EYS: variants seen among roughly 807,000 people sequenced by gnomAD.
EYS encodes the protein EGF-like photoreceptor maintenance factor, also known as protein eyes shut homolog.
A neutral mutation model predicts 282.1 loss-of-function variants in EYS; 250 were observed. That is an observed-to-expected ratio of 0.89 (90% confidence interval 0.80 to 0.98). EYS has a LOEUF of 0.98. Among genes scored for constraint, EYS ranks in the 50% least tolerant of loss-of-function variants. The pLI is 0.00. For missense variants in EYS, 4,016 were observed against 3,709.0 expected (o/e 1.08, Z -2.15); for synonymous variants, 1,355 against 1,282.9 (o/e 1.06, Z -1.20).
At chr6:64,296,589 T>C (rs1436146678) in intron 30 of EYS, among the ~76,000 whole-genome samples, 8 of 4,398 alleles carry the variant, frequency 1.8e-3, no homozygotes, top group African/African-American at 5.4e-3. Context: ...TATATACATA[T>C]ATATATATAT....
At chr6:64,903,482 A>C (rs973630228) in intron 16 of EYS, among the ~76,000 whole-genome samples, 4 of 152,152 alleles carry the variant, frequency 2.6e-5, no homozygotes, top group Non-Finnish European at 5.9e-5. Context: ...TAGTCTAGCT[A>C]CCCAGGAATA....
At chr6:64,579,208 A>C (rs1765984847) in intron 26 of EYS, among the ~76,000 whole-genome samples, 1 of 152,094 alleles carries the variant, frequency 6.6e-6, no homozygotes, top group Non-Finnish European at 1.5e-5. Flanking sequence ...CTGGAGTGAG[A>C]GATGCTCTTC....
chr6:64,354,431 G>C (rs1423748432), intron 29 of EYS, among the ~76,000 whole-genome samples: 2 of 151,438 alleles, frequency 1.3e-5, no homozygotes, highest in Admixed American at 6.6e-5. Flanking sequence ...TGATTCTGTA[G>C]GTGGGTAAGT....
At chr6:64,259,005 T>C (rs139478589) in intron 30 of EYS, among the ~76,000 whole-genome samples, 398 of 152,212 alleles carry the variant, frequency 2.6e-3, no homozygotes, top group East Asian at 0.013. Context: ...TCAGGGCACT[T>C]GCCTTCTGAG....
In EYS at chr6:64,200,907, T is replaced by C. The variant is rs543281045; in HGVS notation, c.6424+29685A>G. ...GAGTACTTAGTCTATACTTCATTCATATAGGTCTTTTTACTTTGTCCACTA... is the reference window on the plus strand; with the variant it reads ...GAGTACTTAGTCTATACTTCATTCACATAGGTCTTTTTACTTTGTCCACTA... On this transcript the variant is annotated intron_variant, in intron 31 of 42. Transcript: ENST00000503581. Among the ~76,000 whole-genome samples the C allele has an allele frequency of 1.1e-4, 16 of 152,280 alleles. No homozygotes were observed. In the East Asian group the frequency reaches 1.5e-3, roughly 15 times the overall value.
intron 35 of EYS, among the ~76,000 whole-genome samples, chr6:63,865,832 A>G (rs1042279443): frequency 6.6e-6 from 1 of 152,212 alleles, no homozygotes; most frequent in Admixed American, 6.5e-5. Context: ...ATATTTTAAT[A>G]TTCTCCATGA....
chr6:65,010,917 G>T (rs1184325202), intron 13 of EYS, among the ~76,000 whole-genome samples: 1 of 152,132 alleles, frequency 6.6e-6, no homozygotes, highest in African/African-American at 2.4e-5. Context: ...CACTGCTGGG[G>T]TCATCAGAAA....
chr6:63,783,537 A>G (rs1329733244), intron 39 of EYS, among the ~76,000 whole-genome samples: 1 of 152,224 alleles, frequency 6.6e-6, no homozygotes, highest in Non-Finnish European at 1.5e-5. Flanking sequence ...CCTATTCTCC[A>G]GAAGCTTACT....
At position 65,288,770 on chromosome 6, in the gene EYS, A is replaced by G. The variant is rs537428067; in HGVS notation, c.2023+7093T>C. On this transcript the variant is annotated intron_variant, in intron 12 of 42. Coordinates refer to ENST00000503581, the MANE Select transcript of EYS (RefSeq NM_001142800.2). ...CTCCTGCTATTTTAAAGATATATGG[A>G]ATAATACATATGCACATATATGTGA... 2.8e-4 allele frequency among the ~76,000 whole-genome samples: 43 copies of G among 151,300 alleles called. No homozygotes were observed. The South Asian group carries it at 8.3e-3, about 29-fold the overall frequency.
chr6:64,251,240 A>G (rs1242199971), intron 30 of EYS, among the ~76,000 whole-genome samples: 1 of 152,214 alleles, frequency 6.6e-6, no homozygotes, highest in Non-Finnish European at 1.5e-5. Flanking sequence ...CCTTCAGCTT[A>G]TCTCAAGACA....
At chr6:64,632,524 C>A (rs184360872) in intron 22 of EYS, among the ~76,000 whole-genome samples, 5 of 151,376 alleles carry the variant, frequency 3.3e-5, no homozygotes, top group African/African-American at 1.2e-4. Context: ...AACCATAAAC[C>A]AAACCAAACC....
chr6:63,852,641 C>T (rs910957982), intron 36 of EYS, among the ~76,000 whole-genome samples: 1 of 152,136 alleles, frequency 6.6e-6, no homozygotes, highest in Non-Finnish European at 1.5e-5. Context: ...ATGAGGCTAG[C>T]ATCATCCTGA....
intron 5 of EYS, among the ~76,000 whole-genome samples, chr6:65,485,213 C>T (rs1414498784): frequency 6.6e-6 from 1 of 152,180 alleles, no homozygotes; most frequent in Admixed American, 6.5e-5. Context: ...ATATTAGTGA[C>T]ATTACTGACT....
At chr6:64,918,725 A>G (rs1562258601) in intron 15 of EYS, among the ~76,000 whole-genome samples, 1 of 152,230 alleles carries the variant, frequency 6.6e-6, no homozygotes, top group South Asian at 2.1e-4. Flanking sequence ...CACATTCACT[A>G]TTGGAAAGAT....
At chr6:64,044,864 A>G (rs910069044) in intron 33 of EYS, among the ~76,000 whole-genome samples, 10 of 152,212 alleles carry the variant, frequency 6.6e-5, no homozygotes, top group African/African-American at 2.4e-4. Context: ...ATCAGAGAGT[A>G]GATATTACAA....
At chr6:65,188,172 T>C (rs1240978141) in intron 12 of EYS, among the ~76,000 whole-genome samples, 1 of 151,660 alleles carries the variant, frequency 6.6e-6, no homozygotes, top group Non-Finnish European at 1.5e-5. Flanking sequence ...TCAAATATTT[T>C]ACAAGTTTCT....
chr6:65,133,668 T>C (rs950393213), intron 12 of EYS, among the ~76,000 whole-genome samples: 2 of 152,016 alleles, frequency 1.3e-5, no homozygotes, highest in Non-Finnish European at 2.9e-5. Flanking sequence ...CTAAAAGCCC[T>C]GGAAGACAAC....
chr6:65,645,528 G>A (rs1282003270), intron 1 of EYS, among the ~76,000 whole-genome samples: 3 of 152,166 alleles, frequency 2.0e-5, no homozygotes, highest in Non-Finnish European at 2.9e-5. Flanking sequence ...TACGGCAAAA[G>A]TGGTGCTAAG....
chr6:65,438,493 T>C (rs1768175051), intron 5 of EYS, among the ~76,000 whole-genome samples: 1 of 152,174 alleles, frequency 6.6e-6, no homozygotes, highest in Non-Finnish European at 1.5e-5. Flanking sequence ...AGTGTTCCTA[T>C]TTCTCCACAT....
Sources: gnomAD v4.1 joint callset for allele counts (sites outside exome capture counted in the v4.1 genomes callset) on GRCh38, gnomAD v4.1.1 for gene constraint, MANE v1.5 for transcripts, NCBI Gene and HGNC (gene_info 2026-07-23, HGNC 2026-07-21) for gene names.